Variants in GPR149 observed in about 807,000 individuals in gnomAD.
GPR149 encodes probable G protein-coupled receptor 149.
In GPR149, 50 loss-of-function variants were observed where a neutral mutation model predicts 50.2. The observed-to-expected ratio is 1.00, with a 90% CI of 0.79 to 1.26. The LOEUF is 1.26. Ranked by LOEUF, GPR149 falls within the 50% of genes most tolerant of loss-of-function variation. GPR149 has a pLI of 0.00. For synonymous variants in GPR149, 405 were observed against 358.2 expected (o/e 1.13, Z -1.48); for missense variants, 983 against 895.4 (o/e 1.10, Z -1.25).
intron 1 of GPR149, among the ~76,000 whole-genome samples, chr3:154,428,041 G>A (rs1040252291): frequency 6.6e-6 from 1 of 152,222 alleles, no homozygotes; most frequent in Non-Finnish European, 1.5e-5. Context: ...TCTCCGAATG[G>A]CCTTTGTCGC....
chr3:154,413,643 T>TAAA (rs35582545), intron 3 of GPR149, among the ~76,000 whole-genome samples: 9 of 148,224 alleles, frequency 6.1e-5, no homozygotes, highest in African/African-American at 2.2e-4. Context: ...GATTATAAAA[T>TAAA]AAAAAAAAAA....
At chr3:154,364,275 A>C (rs1033712480) in intron 3 of GPR149, among the ~76,000 whole-genome samples, 1 of 152,254 alleles carries the variant, frequency 6.6e-6, no homozygotes. Flanking sequence ...ATTAAGTTAC[A>C]ACATGAGTTT....
chr3:154,354,451 C>G (rs1183909920), intron 3 of GPR149, among the ~76,000 whole-genome samples: 1 of 152,208 alleles, frequency 6.6e-6, no homozygotes, highest in African/African-American at 2.4e-5. Flanking sequence ...ATACTGCCAC[C>G]TTAGCCTCTT....
At chr3:154,425,751 T>C (rs2108431794) in intron 2 of GPR149, among the ~76,000 whole-genome samples, 1 of 152,296 alleles carries the variant, frequency 6.6e-6, no homozygotes, top group African/African-American at 2.4e-5. Context: ...AAGACATATT[T>C]TTAATTTCAA....
chr3:154,389,744 C>G (rs183465906), intron 3 of GPR149, among the ~76,000 whole-genome samples: 14 of 152,270 alleles, frequency 9.2e-5, no homozygotes, highest in Non-Finnish European at 1.8e-4. Flanking sequence ...TGAATCCTGT[C>G]TTGCCTGCCT....
At chr3:154,367,956 G>A (rs1044527493) in intron 3 of GPR149, among the ~76,000 whole-genome samples, 2 of 152,182 alleles carry the variant, frequency 1.3e-5, no homozygotes, top group African/African-American at 2.4e-5. Context: ...GGCGATTAGC[G>A]CGGCCGCCGG....
chr3:154,369,684 C>A (rs1714617740), intron 3 of GPR149, among the ~76,000 whole-genome samples: 1 of 152,232 alleles, frequency 6.6e-6, no homozygotes, highest in African/African-American at 2.4e-5. Context: ...CCTTCTCACT[C>A]TCAGATTTAA....
At chr3:154,379,689 G>C (rs1454397288) in intron 3 of GPR149, among the ~76,000 whole-genome samples, 5 of 152,046 alleles carry the variant, frequency 3.3e-5, no homozygotes, top group Non-Finnish European at 5.9e-5. Context: ...AGCACCATTT[G>C]TTGAAAAGTC....
chr3:154,410,946 A>G (rs1711815438), intron 3 of GPR149, among the ~76,000 whole-genome samples: 1 of 152,138 alleles, frequency 6.6e-6, no homozygotes, highest in African/African-American at 2.4e-5. Flanking sequence ...ATAGGCCACA[A>G]AACAAGTCTC....
intron 3 of GPR149, among the ~76,000 whole-genome samples, chr3:154,356,085 T>A (rs887886068): frequency 1.6e-4 from 24 of 152,188 alleles, no homozygotes; most frequent in African/African-American, 5.8e-4. Flanking sequence ...AAATGAGCAC[T>A]TGGGACCTTC....
intron 3 of GPR149, among the ~76,000 whole-genome samples, chr3:154,377,117 G>A (rs886333230): frequency 1.3e-5 from 2 of 150,756 alleles, no homozygotes; most frequent in East Asian, 1.9e-4. Flanking sequence ...ATCATAGCAG[G>A]TATTTATAAA....
chr3:154,417,331 A>G (rs1369576877), intron 3 of GPR149, among the ~76,000 whole-genome samples: 2 of 152,000 alleles, frequency 1.3e-5, no homozygotes, highest in Non-Finnish European at 2.9e-5. Flanking sequence ...TGTAAATTTT[A>G]TGGGATCACA....
At chr3:154,405,166 G>A (rs962140855) in intron 3 of GPR149, among the ~76,000 whole-genome samples, 8 of 152,038 alleles carry the variant, frequency 5.3e-5, no homozygotes, top group Middle Eastern at 3.2e-3. Flanking sequence ...AAATTTAAAC[G>A]ATAAAAGAAT....
intron 3 of GPR149, among the ~76,000 whole-genome samples, chr3:154,365,455 T>C (rs1714506867): frequency 6.6e-6 from 1 of 152,232 alleles, no homozygotes; most frequent in East Asian, 1.9e-4. Flanking sequence ...AATGAGTAGC[T>C]TGGCCACATC....
intron 2 of GPR149, among the ~76,000 whole-genome samples, chr3:154,422,394 C>T (rs1576931666): frequency 6.6e-6 from 1 of 151,452 alleles, no homozygotes; most frequent in East Asian, 1.9e-4. Context: ...AGGTGGTAGA[C>T]AAGATATAAT....
intron 3 of GPR149, among the ~76,000 whole-genome samples, chr3:154,387,326 T>A (rs575162657): frequency 6.6e-6 from 1 of 152,338 alleles, no homozygotes; most frequent in Admixed American, 6.5e-5. Context: ...ACTGTCATTA[T>A]CTGTGCCCTC....
intron 3 of GPR149, chr3:154,353,288 G>A: frequency 2.8e-6 from 4 of 1,424,568 alleles, no homozygotes; most frequent in Non-Finnish European, 4.0e-6. Flanking sequence ...ATCCAATAAG[G>A]TCAACCTGTT....
intron 3 of GPR149, among the ~76,000 whole-genome samples, chr3:154,339,948 C>T (rs893122277): frequency 6.6e-6 from 1 of 151,688 alleles, no homozygotes; most frequent in Non-Finnish European, 1.5e-5. Context: ...CACCACCACC[C>T]CCGCCTAATT....
intron 3 of GPR149, among the ~76,000 whole-genome samples, chr3:154,365,274 C>T (rs1714503419): frequency 6.6e-6 from 1 of 152,136 alleles, no homozygotes; most frequent in African/African-American, 2.4e-5. Flanking sequence ...CCCAAGGTTC[C>T]ACAGGTGCCC....
Sources: gnomAD v4.1 joint callset for allele counts (sites outside exome capture counted in the v4.1 genomes callset) on GRCh38, gnomAD v4.1.1 for gene constraint, MANE v1.5 for transcripts, NCBI Gene and HGNC (gene_info 2026-07-23, HGNC 2026-07-21) for gene names.